KCNQ5: variants seen among roughly 807,000 people sequenced by gnomAD.
The protein encoded by KCNQ5 is potassium voltage-gated channel subfamily Q member 5.
A neutral mutation model predicts 98.2 loss-of-function variants in KCNQ5; 30 were observed. The observed-to-expected ratio is 0.31, with a 90% CI of 0.23 to 0.41. KCNQ5 has a LOEUF of 0.41. Ranked by LOEUF, KCNQ5 falls within the 10% of genes least tolerant of loss-of-function variation. The probability of loss-of-function intolerance (pLI) is 1.00; values close to 1 mark genes in which losing one functional copy is unlikely to be tolerated. For missense variants in KCNQ5, 835 were observed against 1,182.5 expected (o/e 0.71, Z 4.31); for synonymous variants, 458 against 449.4 (o/e 1.02, Z -0.24).
chr6:73,102,401 C>T (rs144710143), intron 5 of KCNQ5, among the ~76,000 whole-genome samples: 7 of 152,078 alleles, frequency 4.6e-5, no homozygotes, highest in East Asian at 3.9e-4. Context: ...GATCACATCA[C>T]GTGAAAAAGC....
At chr6:72,740,566 G>C (rs1033076264) in intron 1 of KCNQ5, among the ~76,000 whole-genome samples, 7 of 152,240 alleles carry the variant, frequency 4.6e-5, no homozygotes, top group African/African-American at 1.4e-4. Flanking sequence ...AGGGTTTGTG[G>C]AGGATCTGGG....
At chr6:73,106,361 T>C (rs1775000899) in intron 6 of KCNQ5, among the ~76,000 whole-genome samples, 1 of 152,152 alleles carries the variant, frequency 6.6e-6, no homozygotes, top group Non-Finnish European at 1.5e-5. Flanking sequence ...TTTGAATACA[T>C]CTTTGTCACA....
intron 1 of KCNQ5, among the ~76,000 whole-genome samples, chr6:72,848,949 A>G (rs1051384609): frequency 6.6e-6 from 1 of 152,172 alleles, no homozygotes; most frequent in Non-Finnish European, 1.5e-5. Context: ...TCCTTTATAA[A>G]TGACCCAGTC....
intron 1 of KCNQ5, among the ~76,000 whole-genome samples, chr6:72,819,455 A>T (rs1346337012): frequency 2.0e-5 from 3 of 152,148 alleles, no homozygotes; most frequent in Admixed American, 2.0e-4. Context: ...AACTTGATTC[A>T]TATTATTTCA....
At chr6:72,625,818 T>C (rs2098917760) in intron 1 of KCNQ5, among the ~76,000 whole-genome samples, 1 of 152,238 alleles carries the variant, frequency 6.6e-6, no homozygotes, top group Admixed American at 6.5e-5. Flanking sequence ...TAGGTATTTT[T>C]CAAATACATT....
chr6:73,017,777 A>G (rs1010959122), intron 2 of KCNQ5, among the ~76,000 whole-genome samples: 2 of 152,142 alleles, frequency 1.3e-5, no homozygotes, highest in African/African-American at 4.8e-5. Flanking sequence ...ATTTAGGGAG[A>G]TTCAGTGCCG....
chr6:72,629,976 G>A (rs1464201199), intron 1 of KCNQ5, among the ~76,000 whole-genome samples: 1 of 152,102 alleles, frequency 6.6e-6, no homozygotes, highest in Non-Finnish European at 1.5e-5. Context: ...TGTTATTAAA[G>A]TCATCAATTT....
At chr6:72,763,197 G>C (rs1407771968) in intron 1 of KCNQ5, among the ~76,000 whole-genome samples, 1 of 151,758 alleles carries the variant, frequency 6.6e-6, no homozygotes, top group Non-Finnish European at 1.5e-5. Flanking sequence ...TGGGTCCTGG[G>C]TGTGTCACTT....
Position 73,119,087 on chromosome 6 carries a change from A to G in KCNQ5, c.1126-1396A>G, listed in dbSNP as rs771514068. Among the ~76,000 whole-genome samples the G allele has an allele frequency of 7.2e-5, 11 of 151,848 alleles. No individual in the cohort carries two copies. The South Asian group carries it at 1.2e-3, about 17-fold the overall frequency. On this transcript the variant is annotated intron_variant, in intron 7 of 13. Transcript: ENST00000370398. ...AAAATGTTTTGATTAATCTACTATA[A>G]TAAAAAAGTTTTCTCTGAGGGGACT...
intron 1 of KCNQ5, among the ~76,000 whole-genome samples, chr6:72,816,724 A>G (rs780278304): frequency 2.0e-5 from 3 of 152,246 alleles, no homozygotes; most frequent in Non-Finnish European, 4.4e-5. Flanking sequence ...TAATCCAGTC[A>G]TGTGGTCACC....
At chr6:73,091,402 T>C (rs1774241496) in intron 5 of KCNQ5, among the ~76,000 whole-genome samples, 2 of 151,874 alleles carry the variant, frequency 1.3e-5, no homozygotes, top group Admixed American at 1.3e-4. Flanking sequence ...AACAAACCAA[T>C]ATTGCACATG....
chr6:73,050,267 G>GAAGGA (rs1772164554), intron 3 of KCNQ5, among the ~76,000 whole-genome samples: 2 of 97,254 alleles, frequency 2.1e-5, no homozygotes, highest in African/African-American at 4.1e-5. Context: ...GGGAAGGAAG[G>GAAGGA]AAGGAAGGAA....
intron 2 of KCNQ5, among the ~76,000 whole-genome samples, chr6:73,020,477 C>T (rs903901642): frequency 1.3e-5 from 2 of 152,202 alleles, no homozygotes; most frequent in Admixed American, 1.3e-4. Flanking sequence ...CCTTCAGGAA[C>T]CTCCAGATGT....
At chr6:73,069,825 T>C (rs954352953) in intron 3 of KCNQ5, among the ~76,000 whole-genome samples, 1 of 152,164 alleles carries the variant, frequency 6.6e-6, no homozygotes, top group Non-Finnish European at 1.5e-5. Context: ...TGGAAGGCCT[T>C]TTTTAAATCA....
chr6:72,741,012 C>G (rs548659137), intron 1 of KCNQ5, among the ~76,000 whole-genome samples: 10 of 152,286 alleles, frequency 6.6e-5, no homozygotes, highest in African/African-American at 2.2e-4. Context: ...TGGTGAAAAA[C>G]TTAAAAGTGT....
At chr6:73,042,148 A>G (rs776879056) in intron 3 of KCNQ5, 86 bp downstream of exon 3, 1 of 1,477,366 alleles carries the variant, frequency 6.8e-7, no homozygotes, top group Admixed American at 1.7e-5. Context: ...GATTAATATT[A>G]AAAGCTAACA....
intron 1 of KCNQ5, among the ~76,000 whole-genome samples, chr6:73,001,041 C>T (rs1040140890): frequency 2.0e-5 from 3 of 152,206 alleles, no homozygotes; most frequent in Non-Finnish European, 4.4e-5. Flanking sequence ...TGACTTGCTG[C>T]CTTCCACATT....
chr6:73,001,123 C>T (rs931646590), intron 1 of KCNQ5, among the ~76,000 whole-genome samples: 10 of 152,142 alleles, frequency 6.6e-5, no homozygotes, highest in Non-Finnish European at 1.2e-4. Flanking sequence ...CTTCAAAGAC[C>T]ATCTCAAACA....
At chr6:73,028,133 A>G (rs555317729) in intron 2 of KCNQ5, among the ~76,000 whole-genome samples, 39 of 152,278 alleles carry the variant, frequency 2.6e-4, no homozygotes, top group Non-Finnish European at 4.4e-4. Flanking sequence ...TTATGGGGGA[A>G]AAATGCTTGC....
Sources: gnomAD v4.1 joint callset for allele counts (sites outside exome capture counted in the v4.1 genomes callset) on GRCh38, gnomAD v4.1.1 for gene constraint, MANE v1.5 for transcripts, NCBI Gene and HGNC (gene_info 2026-07-23, HGNC 2026-07-21) for gene names.